Variants in FCRL4 observed in about 807,000 individuals in gnomAD.
The protein encoded by FCRL4 is Fc receptor like 4.
FCRL4 carries 43 observed loss-of-function variants against 64.1 expected under a neutral mutation model. The ratio of observed to expected loss-of-function variants is 0.67; its 90% CI spans 0.53 to 0.87. FCRL4 has a LOEUF of 0.87. Among genes scored for constraint, FCRL4 ranks in the 40% least tolerant of loss-of-function variants. The pLI is 0.00. For synonymous variants in FCRL4, 253 were observed against 239.8 expected (o/e 1.05, Z -0.51); for missense variants, 656 against 613.5 (o/e 1.07, Z -0.73).
At position 157,586,211 on chromosome 1, in the gene FCRL4, G is replaced by A; in HGVS notation, c.1092C>T (p.Ser364=). Residue 364 remains serine, a synonymous_variant, in exon 6 of 12, where the codon AGC becomes AGT. Coordinates refer to ENST00000271532, the MANE Select transcript of FCRL4 (RefSeq NM_031282.3). ...GCACCATGCTCTGGACAGGGCCGTA[G>A]CTGTTGTCTGCTGTACAGTAGTATC... The part of the protein sequence containing the change: ...AGGYYCTADN[S]YGPVQSMVLN... The A allele has an allele frequency of 6.2e-7, 1 of 1,614,012 alleles. No individual in the cohort carries two copies. The highest frequency in any genetic ancestry group is 8.5e-7 in the Non-Finnish European group (1 of 1,179,878).
At chr1:157,578,880 C>A in intron 8 of FCRL4, 28 bp from the exon 9 acceptor site, 1 of 1,557,490 alleles carries the variant, frequency 6.4e-7, no homozygotes, top group Non-Finnish European at 8.8e-7. Context: ...ACATAATAAT[C>A]CCTGGAACAC....
At chr1:157,589,610 T>C in intron 2 of FCRL4, 152 bp from the exon 3 acceptor site, 1 of 966,010 alleles carries the variant, frequency 1.0e-6, no homozygotes. Context: ...TGAGCTGTGC[T>C]CACCTCCTGC....
At chr1:157,586,057 G>A (rs1027173931) in intron 6 of FCRL4, 111 bp downstream of exon 6, 3 of 1,137,850 alleles carry the variant, frequency 2.6e-6, no homozygotes, top group South Asian at 3.0e-5. Flanking sequence ...AGTGGAGCAT[G>A]GCAAAATGGA....
chr1:157,585,257 C>T (rs113641172), intron 6 of FCRL4, among the ~76,000 whole-genome samples: 1 of 150,108 alleles, frequency 6.7e-6, no homozygotes, highest in Non-Finnish European at 1.5e-5. Context: ...TCCTTTCTTT[C>T]CTTTCTTTCC....
intron 2 of FCRL4, 69 bp from the exon 3 acceptor site, chr1:157,589,527 G>A: frequency 2.5e-6 from 4 of 1,569,290 alleles, no homozygotes; most frequent in Non-Finnish European, 3.5e-6. Context: ...GCTTGTGTGG[G>A]TTACAGTGGA....
At chr1:157,583,790 C>A (rs1449170121) in intron 6 of FCRL4, among the ~76,000 whole-genome samples, 1 of 152,204 alleles carries the variant, frequency 6.6e-6, no homozygotes, top group Non-Finnish European at 1.5e-5. Flanking sequence ...GAGGCTACTG[C>A]AGAGTTTCTC....
chr1:157,583,406 CCA>C (rs1652605274), intron 6 of FCRL4, among the ~76,000 whole-genome samples: 1 of 152,138 alleles, frequency 6.6e-6, no homozygotes, highest in South Asian at 2.1e-4. Flanking sequence ...CCCTTCTCCC[CCA>C]GATTCATACG....
intron 6 of FCRL4, among the ~76,000 whole-genome samples, chr1:157,585,238 TCTTTC>T (rs10658593): frequency 6.7e-6 from 1 of 150,120 alleles, no homozygotes; most frequent in African/African-American, 2.5e-5. Context: ...CTCTTTCCTT[TCTTTC>T]CTTTCCTTTC....
chr1:157,577,368 G>A (rs1279199878), intron 10 of FCRL4, among the ~76,000 whole-genome samples: 1 of 152,182 alleles, frequency 6.6e-6, no homozygotes, highest in Admixed American at 6.5e-5. Flanking sequence ...ATCTCAATTT[G>A]TTAGTGGGTC....
At chr1:157,584,706 C>T (rs1483997446) in intron 6 of FCRL4, among the ~76,000 whole-genome samples, 1 of 152,028 alleles carries the variant, frequency 6.6e-6, no homozygotes, top group Non-Finnish European at 1.5e-5. Flanking sequence ...ATAAGACTTG[C>T]CTCAAGGGAG....
chr1:157,585,344 C>CTCTCTCTTTCTTTCTTTCTTTCTT (rs1386601138), intron 6 of FCRL4, among the ~76,000 whole-genome samples: 6 of 81,276 alleles, frequency 7.4e-5, no homozygotes, highest in Admixed American at 1.3e-4. Context: ...CTTTCTCTCT[C>CTCTCTCTTTCTTTCTTTCTTTCTT]TCTTTCTTTC....
At chr1:157,585,395 C>CT (rs1558155168) in intron 6 of FCRL4, among the ~76,000 whole-genome samples, 1,892 of 80,816 alleles carry the variant, frequency 0.023, 94 homozygotes, top group Middle Eastern at 0.048. Context: ...TCTTTCTTTC[C>CT]TTCTTTCTTT....
rs999222432 is a variant in FCRL4, at chr1:157,575,227, C to T, written c.*297G>A. The T allele has an allele frequency of 1.2e-5, 5 of 403,240 alleles. No homozygotes were observed. The highest frequency in any genetic ancestry group is 2.3e-5 in the Non-Finnish European group (5 of 220,790). 25.0% of individuals were successfully genotyped at this position (403,240 alleles called of 1,614,324 possible). A position where few individuals can be genotyped will look rare whatever the true frequency, so the allele number is the denominator to read the frequency against. On this transcript the variant is annotated 3_prime_UTR_variant, in exon 12 of 12. Transcript: ENST00000271532. ...CATAACAGTCCTTCTCTCTCTTTAT[C>T]CCCCTTCTCTAAAGCAGACCCTAGG...
rs2101681637 is a variant in FCRL4, at chr1:157,586,257, A to T, written c.1046T>A (p.Ile349Asn). The change falls in exon 6 of 12, where the codon ATC (isoleucine) becomes AAC (asparagine). Residue 349 changes from isoleucine (I) to asparagine (N), a missense_variant. Ile to Asn is a moderately radical substitution (Grantham distance 149). Coordinates refer to ENST00000271532, the MANE Select transcript of FCRL4 (RefSeq NM_031282.3). ...GTATCCCCCTGCATGGCTCTGTCTGATGGCAGGGAGCTCCAGCTCTGCTCT... is the reference window on the plus strand; with the variant it reads ...GTATCCCCCTGCATGGCTCTGTCTGTTGGCAGGGAGCTCCAGCTCTGCTCT... ...SLRAELELPA[I>N]RQSHAGGYYC... is the part of the protein sequence containing the mutation. The T allele has an allele frequency of 1.2e-6, 2 of 1,614,040 alleles. No homozygotes were observed. Among genetic ancestry groups the T allele is most frequent in the South Asian group, 2.2e-5 (2 of 91,068 alleles).
intron 10 of FCRL4, 151 bp downstream of exon 10, chr1:157,578,323 T>A: frequency 1.5e-6 from 1 of 648,586 alleles, no homozygotes; most frequent in Non-Finnish European, 2.7e-6. Context: ...CCTTAGAATC[T>A]AAGCTCTCCA....
intron 2 of FCRL4, among the ~76,000 whole-genome samples, chr1:157,592,729 T>C (rs986142192): frequency 2.6e-4 from 39 of 152,206 alleles, no homozygotes; most frequent in African/African-American, 8.9e-4. Flanking sequence ...AGCCATCCCA[T>C]TACTGGGTAT....
chr1:157,579,416 A>T (rs1423516346), intron 8 of FCRL4, among the ~76,000 whole-genome samples: 1 of 151,584 alleles, frequency 6.6e-6, no homozygotes. Flanking sequence ...TAGTGATTAA[A>T]TGTCTTTACT....
At position 157,575,488 on chromosome 1, in the gene FCRL4, C is replaced by T; in HGVS notation, c.*36G>A. The T allele has an allele frequency of 1.3e-6, 2 of 1,527,914 alleles. No homozygotes were observed. The highest frequency in any genetic ancestry group is 1.8e-6 in the Non-Finnish European group (2 of 1,106,402). 94.6% of individuals were successfully genotyped at this position (1,527,914 alleles called of 1,614,324 possible). ...CTGGGACTTTGGACAAGGGAGAAAT[C>T]ACATGAGTAGGACGTTCTCGTAACT... On this transcript the variant is annotated 3_prime_UTR_variant, in exon 12 of 12. Transcript: ENST00000271532.
intron 6 of FCRL4, among the ~76,000 whole-genome samples, chr1:157,583,646 T>A (rs936860962): frequency 6.6e-6 from 1 of 152,142 alleles, no homozygotes; most frequent in Non-Finnish European, 1.5e-5. Flanking sequence ...CAAATTATAT[T>A]AGTGCACTAA....
Sources: gnomAD v4.1 joint callset for allele counts (sites outside exome capture counted in the v4.1 genomes callset) on GRCh38, gnomAD v4.1.1 for gene constraint, MANE v1.5 for transcripts, NCBI Gene and HGNC (gene_info 2026-07-23, HGNC 2026-07-21) for gene names.